Variants in EMP1 observed in about 807,000 individuals in gnomAD.
EMP1 encodes the protein epithelial membrane protein 1.
Under a neutral mutation model 15.7 loss-of-function variants are expected in EMP1, and 5 were observed. The ratio of observed to expected loss-of-function variants is 0.32; its 90% CI spans 0.17 to 0.67. The LOEUF (loss-of-function observed/expected upper bound fraction) is 0.67, where lower values mean the gene tolerates loss of function less well. Among genes scored for constraint, EMP1 ranks in the 30% least tolerant of loss-of-function variants. The pLI, the probability that EMP1 is intolerant of heterozygous loss-of-function variation, is 0.74. For synonymous variants in EMP1, 78 were observed against 76.7 expected, an observed-to-expected ratio of 1.02 and a Z score of -0.09; for missense variants, 166 against 194.2, an observed-to-expected ratio of 0.85 and a Z score of 0.86.
At chr12:13,202,437 C>T (rs747561411) in intron 1 of EMP1, among the ~76,000 whole-genome samples, 1 of 152,138 alleles carries the variant, frequency 6.6e-6, no homozygotes, top group African/African-American at 2.4e-5. Context: ...AATCAAAGAC[C>T]CTTCCCCAGG....
At chr12:13,197,550 C>A (rs1181391382) in intron 1 of EMP1, among the ~76,000 whole-genome samples, 1 of 151,814 alleles carries the variant, frequency 6.6e-6, no homozygotes, top group Non-Finnish European at 1.5e-5. Flanking sequence ...CTGAGGCGGG[C>A]GGATCACCTG....
At chr12:13,206,250 A>G (rs1864109810) in intron 1 of EMP1, among the ~76,000 whole-genome samples, 1 of 152,222 alleles carries the variant, frequency 6.6e-6, no homozygotes, top group African/African-American at 2.4e-5. Context: ...TTCTCCCCAG[A>G]AAAATCCTGG....
At chr12:13,213,313 T>C (rs1864183200) in intron 2 of EMP1, 166 bp from the exon 3 acceptor site, 2 of 661,756 alleles carry the variant, frequency 3.0e-6, no homozygotes, top group African/African-American at 3.7e-5. Flanking sequence ...TGAACTTCAG[T>C]TTTAATCGGA....
chr12:13,203,872 C>T (rs1423140642), intron 1 of EMP1, among the ~76,000 whole-genome samples: 1 of 152,128 alleles, frequency 6.6e-6, no homozygotes, highest in Non-Finnish European at 1.5e-5. Flanking sequence ...TCTGGTTCTC[C>T]AATAGGTTCT....
chr12:13,210,156 T>G (rs911491536), intron 1 of EMP1, among the ~76,000 whole-genome samples: 3 of 152,206 alleles, frequency 2.0e-5, no homozygotes, highest in Admixed American at 2.0e-4. Flanking sequence ...ATAGTATCAG[T>G]GCTCTCTAAT....
Position 13,212,663 on chromosome 12 carries a change from G to A in EMP1, c.79-816G>A, listed in dbSNP as rs58183631. Among the ~76,000 whole-genome samples, 1,258 of 152,352 alleles carry A rather than the reference G, an allele frequency of 8.3e-3. 20 individuals are homozygous for A. Among genetic ancestry groups the A allele is most frequent in the African/African-American group, 0.029 (1,212 of 41,580 alleles). The stretch of plus-strand genomic sequence containing the variant: ...TGTGAATTACCAGCCCCTAATATAA[G>A]GCTAGGCACACAGTTGTTTATTGAA... On this transcript the variant is annotated intron_variant, in intron 2 of 4. Coordinates refer to ENST00000256951, the MANE Select transcript of EMP1 (RefSeq NM_001423.3).
intron 1 of EMP1, among the ~76,000 whole-genome samples, chr12:13,202,991 C>T (rs10845713): frequency 0.24 from 36,132 of 152,042 alleles, 4,731 homozygotes; most frequent in East Asian, 0.52. Flanking sequence ...TCCTTCTTAT[C>T]AAGGGGTTGG....
intron 1 of EMP1, among the ~76,000 whole-genome samples, chr12:13,198,212 C>A (rs1864031362): frequency 6.6e-6 from 1 of 152,342 alleles, no homozygotes; most frequent in South Asian, 2.1e-4. Flanking sequence ...TGCAAACACT[C>A]ATGCTAATCA....
At chr12:13,197,414 C>T (rs1425167474) in intron 1 of EMP1, among the ~76,000 whole-genome samples, 1 of 152,130 alleles carries the variant, frequency 6.6e-6, no homozygotes, top group Non-Finnish European at 1.5e-5. Context: ...CTTCCCTATT[C>T]ACTTCTGTTT....
chr12:13,199,211 G>C (rs7313687), intron 1 of EMP1: 128,637 of 152,450 alleles, frequency 0.84, 55,004 homozygotes, highest in East Asian at 1. Context: ...AAAGGAAAGA[G>C]ATCCCTTCTG....
rs1289958190 is a variant in EMP1, at chr12:13,219,691, C to G, written c.*5000C>G. 6 of 152,144 alleles carry G rather than the reference C, an allele frequency of 3.9e-5. No individual in the cohort carries two copies. Among genetic ancestry groups the G allele is most frequent in the Non-Finnish European group, 8.8e-5 (6 of 68,030 alleles). The allele number at this position is 152,144 out of a possible 1,614,324, so 9.4% of individuals were successfully genotyped here. On this transcript the variant is annotated 3_prime_UTR_variant, in exon 5 of 5. Coordinates refer to ENST00000256951, the MANE Select transcript of EMP1 (RefSeq NM_001423.3). ...TTCAAAAATGACTGTCTACACTTGGCACATGAGGGACTTTATGATATTAAG... is the reference window on the plus strand; with the variant it reads ...TTCAAAAATGACTGTCTACACTTGGGACATGAGGGACTTTATGATATTAAG...
At chr12:13,206,295 T>C (rs1290672958) in intron 1 of EMP1, among the ~76,000 whole-genome samples, 1 of 152,188 alleles carries the variant, frequency 6.6e-6, no homozygotes, top group Non-Finnish European at 1.5e-5. Flanking sequence ...GCCAGCCAGA[T>C]CCATACCCTG....
rs770981492 is a variant in EMP1, at chr12:13,211,578, C to A, written c.68C>A (p.Thr23Asn). 3 of 1,613,830 alleles carry A rather than the reference C, an allele frequency of 1.9e-6. No individual in the cohort carries two copies. The highest frequency in any genetic ancestry group is 1.7e-6 in the Non-Finnish European group (2 of 1,179,870). ...IATVIMLFVS[T>N]IANVWLVSNT... The stretch of plus-strand genomic sequence containing the variant: ...ACTGTTATTATGCTATTTGTTAGCA[C>A]CATTGCCAATGTGAGTAATGTTCTT... The change falls in exon 2 of 5, where the codon ACC becomes AAC. Residue 23 changes from threonine (T) to asparagine (N), a missense_variant. By Grantham distance (65) the Thr-to-Asn change is moderately conservative. Coordinates refer to ENST00000256951, the MANE Select transcript of EMP1 (RefSeq NM_001423.3). The surrounding 1 kb of genome is among the most constrained non-coding windows in gnomAD (Gnocchi z 4.7).
chr12:13,203,574 G>T (rs1279935338), intron 1 of EMP1, among the ~76,000 whole-genome samples: 1 of 152,260 alleles, frequency 6.6e-6, no homozygotes, highest in African/African-American at 2.4e-5. Flanking sequence ...TGCCAGAGAA[G>T]CATAAAGCCC....
intron 1 of EMP1, among the ~76,000 whole-genome samples, chr12:13,205,974 G>C (rs923308253): frequency 6.6e-6 from 1 of 152,174 alleles, no homozygotes. Flanking sequence ...TTCTTGAGCA[G>C]GGGAGTGCCA....
intron 1 of EMP1, among the ~76,000 whole-genome samples, chr12:13,203,548 G>T (rs1237915124): frequency 6.6e-6 from 1 of 152,258 alleles, no homozygotes; most frequent in Non-Finnish European, 1.5e-5. Context: ...TAGCATAATT[G>T]TTGGCCCTCA....
chr12:13,208,907 C>T lies in EMP1; in HGVS notation c.-42-2562C>T, dbSNP rs139930563. ...GATGCATGGGCCCAGGTAGAGGTGC[C>T]GTGGGAGGGGTCATTGAGACAGAGA... On this transcript the variant is annotated intron_variant, in intron 1 of 4. Transcript: ENST00000256951. Among the ~76,000 whole-genome samples, 69 of 152,220 alleles carry T rather than the reference C, an allele frequency of 4.5e-4. 1 individual carries two copies. The South Asian group carries it at 8.3e-3, about 18-fold the overall frequency.
Position 13,216,712 on chromosome 12 carries a change from T to A in EMP1, c.*2021T>A. 5.1e-6 allele frequency: 2 copies of A among 393,662 alleles called. No homozygotes were observed. Among genetic ancestry groups the A allele is most frequent in the Middle Eastern group, 1.4e-3 (2 of 1,462 alleles). 24.4% of individuals were successfully genotyped at this position (393,662 alleles called of 1,614,324 possible). ...TAGATTATTTCATATACTATAATTG[T>A]AAATATTTTGATACAAATGTTTATA... On this transcript the variant is annotated 3_prime_UTR_variant, in exon 5 of 5. Transcript: ENST00000256951.
chr12:13,202,659 G>A (rs1864076469), intron 1 of EMP1, among the ~76,000 whole-genome samples: 2 of 152,140 alleles, frequency 1.3e-5, no homozygotes, highest in South Asian at 2.1e-4. Context: ...GATATTGTTC[G>A]GGTCTGTTTT....
Sources: gnomAD v4.1 joint callset for allele counts (sites outside exome capture counted in the v4.1 genomes callset) on GRCh38, gnomAD v4.1.1 for gene constraint, Gnocchi (gnomAD v3.1) non-coding constraint, MANE v1.5 for transcripts, NCBI Gene and HGNC (gene_info 2026-07-23, HGNC 2026-07-21) for gene names.